Variants in ARHGAP22 observed in about 807,000 individuals in gnomAD.
The protein encoded by ARHGAP22 is Rho GTPase activating protein 22.
ARHGAP22 carries 48 observed loss-of-function variants against 59.1 expected under a neutral mutation model. The ratio of observed to expected loss-of-function variants is 0.81; its 90% CI spans 0.64 to 1.03. The LOEUF is 1.03. ARHGAP22 is among the 50% of genes least tolerant of loss of function. The probability of loss-of-function intolerance (pLI) is 0.00; values close to 1 mark genes in which losing one functional copy is unlikely to be tolerated. For synonymous variants in ARHGAP22, 445 were observed against 416.4 expected, an observed-to-expected ratio of 1.07 and a Z score of -0.84; for missense variants, 1,015 against 958.7, an observed-to-expected ratio of 1.06 and a Z score of -0.78.
intron 2 of ARHGAP22, among the ~76,000 whole-genome samples, chr10:48,568,565 G>A (rs2058197475): frequency 6.6e-6 from 1 of 152,218 alleles, no homozygotes; most frequent in South Asian, 2.1e-4. Context: ...GAGGGCACAT[G>A]CGCTGAGCCT....
intron 1 of ARHGAP22, among the ~76,000 whole-genome samples, chr10:48,633,373 T>C (rs916052672): frequency 6.6e-6 from 1 of 152,240 alleles, no homozygotes; most frequent in Non-Finnish European, 1.5e-5. Context: ...GTCTCCATCA[T>C]ATCACTTGGT....
intron 4 of ARHGAP22, among the ~76,000 whole-genome samples, chr10:48,472,340 A>C (rs11101336): frequency 0.56 from 84,599 of 151,818 alleles, 27,088 homozygotes; most frequent in Non-Finnish European, 0.71. Flanking sequence ...CCTGGCCAAC[A>C]TGGTGAAACC....
At chr10:48,652,095 A>C in intron 1 of ARHGAP22, 1 of 727,286 alleles carries the variant, frequency 1.4e-6, no homozygotes, top group Non-Finnish European at 2.3e-6. Context: ...GAGCTGAAGG[A>C]GGTCAGAACC....
At chr10:48,616,974 A>G (rs1051478918) in intron 1 of ARHGAP22, among the ~76,000 whole-genome samples, 32 of 152,134 alleles carry the variant, frequency 2.1e-4, no homozygotes, top group African/African-American at 7.5e-4. Flanking sequence ...CATGTTATTT[A>G]AAAGACAACT....
chr10:48,479,727 G>T lies in ARHGAP22; in HGVS notation c.360C>A (p.Pro120=). The change falls in exon 4 of 10, where the codon CCC becomes CCA. Residue 120 remains proline (P), a synonymous_variant. Coordinates refer to ENST00000249601, the MANE Select transcript of ARHGAP22 (RefSeq NM_021226.4). ...AGEREKVPAN[P]EALLLMASSQ... ...AGCTGGCCATGAGCAGGAGCGCCTC[G>T]GGGTTGGCCGGCACCTTCTCCCGCT... The T allele has an allele frequency of 6.2e-7, 1 of 1,602,186 alleles. No homozygotes were observed. Among genetic ancestry groups the T allele is most frequent in the Non-Finnish European group, 8.5e-7 (1 of 1,173,298 alleles).
intron 2 of ARHGAP22, among the ~76,000 whole-genome samples, chr10:48,580,593 C>G (rs558025918): frequency 5.3e-4 from 80 of 152,324 alleles, no homozygotes; most frequent in Non-Finnish European, 8.8e-4. Flanking sequence ...GGGAGCAACT[C>G]TGGCAACTCC....
At chr10:48,537,803 C>G (rs577698782) in intron 3 of ARHGAP22, among the ~76,000 whole-genome samples, 35 of 152,332 alleles carry the variant, frequency 2.3e-4, no homozygotes, top group African/African-American at 7.2e-4. Flanking sequence ...AATGATACAG[C>G]ATGGCTGGAG....
At chr10:48,454,286 G>T (rs2046281299) in intron 6 of ARHGAP22, 125 bp from the exon 7 acceptor site, 1 of 849,000 alleles carries the variant, frequency 1.2e-6, no homozygotes, top group Non-Finnish European at 2.0e-6. Flanking sequence ...CAACAGACCA[G>T]AGGGCTCCAC....
At chr10:48,620,739 A>T (rs530086238) in intron 1 of ARHGAP22, among the ~76,000 whole-genome samples, 5 of 152,216 alleles carry the variant, frequency 3.3e-5, no homozygotes, top group African/African-American at 1.2e-4. Context: ...GAGGTAGTGA[A>T]CAAAGTACAT....
chr10:48,635,647 C>T (rs1194597998), intron 1 of ARHGAP22, among the ~76,000 whole-genome samples: 1 of 152,226 alleles, frequency 6.6e-6, no homozygotes, highest in Non-Finnish European at 1.5e-5. Context: ...TGCACTCTTC[C>T]CAGAGTCCCT....
At chr10:48,517,648 T>G (rs2053416752) in intron 3 of ARHGAP22, among the ~76,000 whole-genome samples, 3 of 152,080 alleles carry the variant, frequency 2.0e-5, no homozygotes, top group African/African-American at 7.2e-5. Flanking sequence ...CCCCTAACCC[T>G]GGAGGCCAGC....
chr10:48,532,870 T>A (rs2054992069), intron 3 of ARHGAP22: 1 of 152,158 alleles, frequency 6.6e-6, no homozygotes, highest in Admixed American at 6.5e-5. Flanking sequence ...TCACGAGCAA[T>A]CTCTTGAGGG....
chr10:48,502,089 A>C (rs2051584359), intron 3 of ARHGAP22, among the ~76,000 whole-genome samples: 1 of 152,124 alleles, frequency 6.6e-6, no homozygotes. Flanking sequence ...CTGTGTTTTG[A>C]GTACTTTTAA....
chr10:48,555,600 G>A (rs1019867838), intron 2 of ARHGAP22, 50 bp from the exon 3 acceptor site: 2 of 1,576,172 alleles, frequency 1.3e-6, no homozygotes, highest in Admixed American at 1.7e-5. Context: ...GATGGGGAGG[G>A]GACTGCTGTC....
the ARHGAP22 span, chr10:48,434,956 C>T: frequency 1.9e-6 from 3 of 1,612,516 alleles, no homozygotes; most frequent in Non-Finnish European, 2.5e-6. Context: ...TCAATGTCAA[C>T]AGATCCGACT....
chr10:48,484,738 T>TG (rs1458860024), intron 3 of ARHGAP22, among the ~76,000 whole-genome samples: 2 of 152,254 alleles, frequency 1.3e-5, no homozygotes, highest in African/African-American at 2.4e-5. Context: ...AGTTATTGAA[T>TG]GAATTGGCAT....
intron 1 of ARHGAP22, among the ~76,000 whole-genome samples, chr10:48,619,957 G>A (rs983804437): frequency 6.6e-6 from 1 of 151,942 alleles, no homozygotes; most frequent in Non-Finnish European, 1.5e-5. Context: ...ATCTGACAAG[G>A]GATTAATATC....
At chr10:48,604,551 C>A (rs924656829) in intron 1 of ARHGAP22, among the ~76,000 whole-genome samples, 15 of 152,234 alleles carry the variant, frequency 9.9e-5, no homozygotes, top group African/African-American at 3.1e-4. Context: ...AAGCCGGCCA[C>A]CGCCCTTTTG....
chr10:48,549,773 T>C (rs2056756547), intron 3 of ARHGAP22, among the ~76,000 whole-genome samples: 1 of 152,198 alleles, frequency 6.6e-6, no homozygotes, highest in East Asian at 1.9e-4. Context: ...TCAGTCCGCT[T>C]GTGAGGCCCA....
Sources: allele counts gnomAD v4.1 joint callset (sites outside exome capture counted in the v4.1 genomes callset), GRCh38; gene constraint gnomAD v4.1.1; transcripts MANE v1.5; gene names NCBI Gene and HGNC (gene_info 2026-07-23, HGNC 2026-07-21).